Variants in MEI4 observed in about 807,000 individuals in gnomAD.
MEI4 encodes meiotic double-stranded break formation protein 4.
Under a neutral mutation model 31.4 loss-of-function variants are expected in MEI4, and 27 were observed. That is an observed-to-expected ratio of 0.86 (90% confidence interval 0.63 to 1.19). The LOEUF (loss-of-function observed/expected upper bound fraction) is 1.19, where lower values mean the gene tolerates loss of function less well. MEI4 is among the 50% of genes most tolerant of loss of function. The pLI is 0.00. For missense variants in MEI4, 329 were observed against 398.9 expected (o/e 0.82, Z 1.49); for synonymous variants, 122 against 145.4 (o/e 0.84, Z 1.16).
chr6:77,687,070 T>A (rs534882658), intron 1 of MEI4, among the ~76,000 whole-genome samples: 1 of 152,120 alleles, frequency 6.6e-6, no homozygotes, highest in African/African-American at 2.4e-5. Flanking sequence ...GAGTAGCTGT[T>A]TCTACATGCA....
intron 2 of MEI4, among the ~76,000 whole-genome samples, chr6:77,699,797 A>G (rs538717727): frequency 6.6e-6 from 1 of 152,204 alleles, no homozygotes; most frequent in African/African-American, 2.4e-5. Context: ...TCCTTCTACC[A>G]TTCAGGACCC....
chr6:77,921,469 TG>T (rs1766701579), intron 4 of MEI4, among the ~76,000 whole-genome samples: 1 of 151,986 alleles, frequency 6.6e-6, no homozygotes, highest in South Asian at 2.1e-4. Context: ...CCAGTCGGGC[TG>T]TTTCCCCTTC....
intron 4 of MEI4, among the ~76,000 whole-genome samples, chr6:77,829,715 T>G (rs1770033251): frequency 6.6e-6 from 1 of 152,156 alleles, no homozygotes. Flanking sequence ...TTACATGTAT[T>G]CCATTTGACA....
At chr6:77,708,961 C>T (rs181915447) in intron 2 of MEI4, among the ~76,000 whole-genome samples, 333 of 152,242 alleles carry the variant, frequency 2.2e-3, no homozygotes, top group African/African-American at 7.3e-3. Context: ...TTTATAGCAA[C>T]GTAAACAGAC....
chr6:77,783,828 A>G (rs1768660341), intron 3 of MEI4, among the ~76,000 whole-genome samples: 1 of 152,158 alleles, frequency 6.6e-6, no homozygotes, highest in Admixed American at 6.6e-5. Flanking sequence ...TTCATGCTAC[A>G]TTTAAACAAA....
chr6:77,905,353 T>C (rs1472702851), intron 4 of MEI4, among the ~76,000 whole-genome samples: 1 of 152,116 alleles, frequency 6.6e-6, no homozygotes, highest in Non-Finnish European at 1.5e-5. Context: ...TTGACTTTGA[T>C]TTTTGAATCC....
chr6:77,700,985 G>T (rs1766209323), intron 2 of MEI4, among the ~76,000 whole-genome samples: 1 of 152,172 alleles, frequency 6.6e-6, no homozygotes, highest in Non-Finnish European at 1.5e-5. Flanking sequence ...GGAAGAAAAA[G>T]AAGTGTACAT....
chr6:77,655,987 G>GA (rs1768387523), intron 1 of MEI4, among the ~76,000 whole-genome samples: 1 of 152,112 alleles, frequency 6.6e-6, no homozygotes. Flanking sequence ...TTTTTATAAT[G>GA]AAAGTCCAAT....
chr6:77,856,130 C>T (rs898126552), intron 4 of MEI4, among the ~76,000 whole-genome samples: 12 of 152,224 alleles, frequency 7.9e-5, no homozygotes, highest in African/African-American at 2.9e-4. Flanking sequence ...GAATTTTATC[C>T]TGTCTCTTTA....
At chr6:77,703,683 T>C (rs1256305189) in intron 2 of MEI4, among the ~76,000 whole-genome samples, 1 of 152,178 alleles carries the variant, frequency 6.6e-6, no homozygotes, top group Non-Finnish European at 1.5e-5. Context: ...AATCCTGAAA[T>C]TTATTTTTTA....
intron 4 of MEI4, among the ~76,000 whole-genome samples, chr6:77,851,648 G>C (rs866142228): frequency 9.2e-6 from 1 of 109,144 alleles, no homozygotes; most frequent in African/African-American, 3.5e-5. Context: ...TGGGGGGAGG[G>C]GGGAGGGATA....
rs1482551292 is a variant in MEI4 at position 77,869,075 on chromosome 6, G to C, written c.900+40013G>C. On this transcript the variant is annotated intron_variant, in intron 4 of 4. Coordinates refer to ENST00000684080, the MANE Select transcript of MEI4 (RefSeq NM_001322247.2). ...TTCAGTATTTATATACTGAACATCA[G>C]CTCTGTGCCAGAGACTGATTTAGGT... Among the ~76,000 whole-genome samples, 3 of 152,110 alleles carry C rather than the reference G, an allele frequency of 2.0e-5. No homozygotes were observed. The East Asian group carries it at 5.8e-4, about 29-fold the overall frequency.
At chr6:77,685,228 G>A (rs1230691826) in intron 1 of MEI4, among the ~76,000 whole-genome samples, 1 of 150,866 alleles carries the variant, frequency 6.6e-6, no homozygotes, top group East Asian at 1.9e-4. Flanking sequence ...GGTTCTTTGA[G>A]CTCCTTATAT....
rs374517721 is a variant in MEI4 at position 77,906,941 on chromosome 6, C to T, written c.901-16148C>T. Among the ~76,000 whole-genome samples the T allele has an allele frequency of 1.4e-4, 21 of 152,206 alleles. 1 individual carries two copies. The East Asian group carries it at 3.9e-3, about 28-fold the overall frequency. On this transcript the variant is annotated intron_variant, in intron 4 of 4. Coordinates refer to ENST00000684080, the MANE Select transcript of MEI4 (RefSeq NM_001322247.2). ...AGACCATGGCTTCAAAGAGAAACAT[C>T]TGAACTAGCTCTGTATGACTGTGCA...
At chr6:77,870,174 C>T (rs1256466905) in intron 4 of MEI4, among the ~76,000 whole-genome samples, 1 of 152,146 alleles carries the variant, frequency 6.6e-6, no homozygotes, top group Non-Finnish European at 1.5e-5. Context: ...AGAAAATGTA[C>T]TTTGAATTTT....
chr6:77,734,107 G>T lies in MEI4; in HGVS notation c.233-27023G>T, dbSNP rs9718256. The stretch of plus-strand genomic sequence containing the variant: ...TGCTGAAAAAAATGTATATTCTGTT[G>T]ATTTGGGGTGGAGAGTTCTGTAGAT... On this transcript the variant is annotated intron_variant, in intron 2 of 4. Transcript: ENST00000684080. Among the ~76,000 whole-genome samples, 4 of 151,948 alleles carry T rather than the reference G, an allele frequency of 2.6e-5. 1 individual carries two copies. The highest frequency in any genetic ancestry group is 5.9e-5 in the Non-Finnish European group (4 of 68,010).
chr6:77,736,710 G>C (rs1767246498), intron 2 of MEI4, among the ~76,000 whole-genome samples: 1 of 152,018 alleles, frequency 6.6e-6, no homozygotes, highest in Non-Finnish European at 1.5e-5. Context: ...AATACAGAAA[G>C]ATAAAGTTTA....
In MEI4 at chr6:77,719,319, A is replaced by G. The variant is rs1447436543; in HGVS notation, c.232+28416A>G. Among the ~76,000 whole-genome samples the G allele has an allele frequency of 1.5e-5, 2 of 137,096 alleles. 1 individual carries two copies. Among genetic ancestry groups the G allele is most frequent in the Non-Finnish European group, 3.1e-5 (2 of 63,582 alleles). 89.9% of individuals were successfully genotyped at this position (137,096 alleles called of 152,430 possible). On this transcript the variant is annotated intron_variant, in intron 2 of 4. Transcript: ENST00000684080. ...GGTCTAAATTTTAGTGATCTTTGATAAGAAAAGTCTTGTAAATAATTTACC... is the reference window on the plus strand; with the variant it reads ...GGTCTAAATTTTAGTGATCTTTGATGAGAAAAGTCTTGTAAATAATTTACC...
At chr6:77,896,948 C>T (rs186730524) in intron 4 of MEI4, among the ~76,000 whole-genome samples, 7 of 151,896 alleles carry the variant, frequency 4.6e-5, no homozygotes, top group Admixed American at 4.6e-4. Context: ...ATGACAGTAA[C>T]GATAATAACA....
Sources: allele counts gnomAD v4.1 joint callset (sites outside exome capture counted in the v4.1 genomes callset), GRCh38; gene constraint gnomAD v4.1.1; transcripts MANE v1.5; gene names NCBI Gene and HGNC (gene_info 2026-07-23, HGNC 2026-07-21).